CPNE8: variants seen among roughly 807,000 people sequenced by gnomAD.
The protein encoded by CPNE8 is copine-8.
In CPNE8, 45 loss-of-function variants were observed where a neutral mutation model predicts 81.5. The observed-to-expected ratio is 0.55, with a 90% CI of 0.44 to 0.71. The LOEUF is 0.71. CPNE8 is among the 30% of genes least tolerant of loss of function. CPNE8 has a pLI of 0.00. For synonymous variants in CPNE8, 252 were observed against 226.3 expected (o/e 1.11, Z -1.02); for missense variants, 594 against 672.1 (o/e 0.88, Z 1.28).
At chr12:38,741,755 A>AT (rs1173279527) in intron 10 of CPNE8, among the ~76,000 whole-genome samples, 1 of 152,140 alleles carries the variant, frequency 6.6e-6, no homozygotes, top group Non-Finnish European at 1.5e-5. Flanking sequence ...ATGGGAGAAA[A>AT]TTTTTGCAAT....
intron 4 of CPNE8, among the ~76,000 whole-genome samples, chr12:38,845,060 G>A (rs1283758196): frequency 6.6e-6 from 1 of 151,876 alleles, no homozygotes; most frequent in Non-Finnish European, 1.5e-5. Flanking sequence ...GAGCCATGGG[G>A]AAAATCACTT....
chr12:38,736,877 T>C (rs913862146), intron 10 of CPNE8, among the ~76,000 whole-genome samples: 1 of 152,062 alleles, frequency 6.6e-6, no homozygotes, highest in Non-Finnish European at 1.5e-5. Context: ...TGACCTTGGA[T>C]ACTTATCTAG....
chr12:38,719,643 A>G (rs1940502746), intron 13 of CPNE8, among the ~76,000 whole-genome samples: 1 of 151,392 alleles, frequency 6.6e-6, no homozygotes, highest in African/African-American at 2.4e-5. Flanking sequence ...GAAGTCCTTC[A>G]GGGCAAAGAT....
At chr12:38,820,123 T>C (rs780229834) in intron 6 of CPNE8, among the ~76,000 whole-genome samples, 4 of 151,940 alleles carry the variant, frequency 2.6e-5, no homozygotes, top group Non-Finnish European at 5.9e-5. Context: ...CTAAACTGAA[T>C]TGGCAGGGCG....
intron 11 of CPNE8, chr12:38,726,500 A>C (rs1208537495): frequency 6.6e-6 from 1 of 152,224 alleles, no homozygotes; most frequent in Non-Finnish European, 1.5e-5. Context: ...ATTCTATTAA[A>C]TATGGAGCAG....
At chr12:38,666,647 G>A (rs1041999384) in intron 19 of CPNE8, among the ~76,000 whole-genome samples, 1 of 152,126 alleles carries the variant, frequency 6.6e-6, no homozygotes, top group African/African-American at 2.4e-5. Flanking sequence ...ATGATGGGAA[G>A]TTAGTTTATT....
chr12:38,748,462 T>G (rs147538285), intron 10 of CPNE8, among the ~76,000 whole-genome samples: 1 of 152,172 alleles, frequency 6.6e-6, no homozygotes, highest in African/African-American at 2.4e-5. Flanking sequence ...AATAGATTCT[T>G]GGAAATAAAA....
chr12:38,798,896 A>C (rs1942579227), intron 6 of CPNE8, among the ~76,000 whole-genome samples: 1 of 152,212 alleles, frequency 6.6e-6, no homozygotes, highest in Non-Finnish European at 1.5e-5. Context: ...AGGGGTTGAA[A>C]TCCCAGTCTC....
At chr12:38,767,787 T>A in intron 7 of CPNE8, 49 bp from the exon 8 acceptor site, 1 of 1,124,440 alleles carries the variant, frequency 8.9e-7, no homozygotes, top group Non-Finnish European at 1.2e-6. Flanking sequence ...TATAAATAAC[T>A]AGAAACTGCA....
chr12:38,723,983 T>G, intron 12 of CPNE8, 150 bp from the exon 13 acceptor site: 1 of 525,304 alleles, frequency 1.9e-6, no homozygotes, highest in Non-Finnish European at 3.4e-6. Flanking sequence ...CTGATTGTTC[T>G]TACATTTTAA....
At chr12:38,866,932 C>G (rs1360154691) in intron 3 of CPNE8, among the ~76,000 whole-genome samples, 1 of 152,114 alleles carries the variant, frequency 6.6e-6, no homozygotes, top group Non-Finnish European at 1.5e-5. Flanking sequence ...GATCTCAGCT[C>G]ACTGCAACCT....
At chr12:38,669,344 C>T (rs769727658) in intron 19 of CPNE8, among the ~76,000 whole-genome samples, 16 of 151,894 alleles carry the variant, frequency 1.1e-4, no homozygotes, top group Non-Finnish European at 2.2e-4. Flanking sequence ...TAACAGATTA[C>T]TTTATATTAT....
chr12:38,783,627 G>C lies in CPNE8; in HGVS notation c.408-7326C>G, dbSNP rs140072617. 1.4e-4 allele frequency among the ~76,000 whole-genome samples: 22 copies of C among 152,266 alleles called. No individual in the cohort carries two copies. The East Asian group carries it at 3.7e-3, about 25-fold the overall frequency. On this transcript the variant is annotated intron_variant, in intron 6 of 19. Coordinates refer to ENST00000331366, the MANE Select transcript of CPNE8 (RefSeq NM_153634.3). ...TCCTAGTGATGATAGCCAAAGACAG[G>C]CTTGTGTCACCGCATCCCAAGCTTC...
At chr12:38,775,368 G>A (rs2136888600) in intron 7 of CPNE8, among the ~76,000 whole-genome samples, 1 of 152,196 alleles carries the variant, frequency 6.6e-6, no homozygotes, top group East Asian at 1.9e-4. Context: ...ATAAACTATG[G>A]CTCTCTCTAT....
intron 16 of CPNE8, among the ~76,000 whole-genome samples, chr12:38,681,347 A>G (rs1190463358): frequency 1.3e-5 from 2 of 152,114 alleles, no homozygotes; most frequent in Non-Finnish European, 2.9e-5. Flanking sequence ...TATTTTAAAA[A>G]TATTTTTCTT....
intron 1 of CPNE8, among the ~76,000 whole-genome samples, chr12:38,893,009 A>AG (rs1191272526): frequency 6.6e-6 from 1 of 151,432 alleles, no homozygotes; most frequent in African/African-American, 2.4e-5. Flanking sequence ...TAGTTCTTTA[A>AG]AAAAAAAACC....
chr12:38,705,323 C>T (rs1350075695), intron 13 of CPNE8, among the ~76,000 whole-genome samples: 1 of 152,040 alleles, frequency 6.6e-6, no homozygotes, highest in Non-Finnish European at 1.5e-5. Flanking sequence ...TGTGACATTT[C>T]CTTCTTTCTC....
At chr12:38,899,270 G>T (rs1944427567) in intron 1 of CPNE8, among the ~76,000 whole-genome samples, 1 of 152,058 alleles carries the variant, frequency 6.6e-6, no homozygotes, top group Admixed American at 6.6e-5. Flanking sequence ...CATGATGATG[G>T]TGCCTGCCCT....
At chr12:38,754,862 CT>C (rs1233392380) in intron 10 of CPNE8, among the ~76,000 whole-genome samples, 1 of 152,066 alleles carries the variant, frequency 6.6e-6, no homozygotes, top group Non-Finnish European at 1.5e-5. Context: ...TGAAACTTGC[CT>C]GTTAAATACA....
Sources: gnomAD v4.1 joint callset for allele counts (sites outside exome capture counted in the v4.1 genomes callset) on GRCh38, gnomAD v4.1.1 for gene constraint, MANE v1.5 for transcripts, NCBI Gene and HGNC (gene_info 2026-07-23, HGNC 2026-07-21) for gene names.